The following TSGA10 variants were observed in gnomAD, a reference collection of about 807,000 sequenced individuals.
The protein encoded by TSGA10 is testis-specific gene 10 protein.
A neutral mutation model predicts 96.6 loss-of-function variants in TSGA10; 43 were observed. The ratio of observed to expected loss-of-function variants is 0.44; its 90% CI spans 0.35 to 0.57. The LOEUF is 0.57. Ranked by LOEUF, TSGA10 falls within the 20% of genes least tolerant of loss-of-function variation. The pLI is 0.01. For missense variants in TSGA10, 703 were observed against 834.4 expected, an observed-to-expected ratio of 0.84 and a Z score of 1.94; for synonymous variants, 229 against 269.9, an observed-to-expected ratio of 0.85 and a Z score of 1.48.
At chr2:99,072,914 C>A in intron 13 of TSGA10, 104 bp downstream of exon 13, 1 of 788,560 alleles carries the variant, frequency 1.3e-6, no homozygotes, top group Non-Finnish European at 2.2e-6. Flanking sequence ...AGAGTTAGCA[C>A]CTTACACGTA....
chr2:99,048,158 A>G (rs1408518263), intron 16 of TSGA10, among the ~76,000 whole-genome samples: 1 of 152,206 alleles, frequency 6.6e-6, no homozygotes, highest in Non-Finnish European at 1.5e-5. Flanking sequence ...AAAGGGATTT[A>G]TAGATTCAAT....
chr2:99,005,067 A>G (rs1395690440), intron 20 of TSGA10, among the ~76,000 whole-genome samples: 1 of 152,228 alleles, frequency 6.6e-6, no homozygotes, highest in African/African-American at 2.4e-5. Context: ...ATAGAGGCAG[A>G]AAAGGCCTTT....
At chr2:99,060,118 C>G (rs2084518504) in intron 16 of TSGA10, among the ~76,000 whole-genome samples, 1 of 152,024 alleles carries the variant, frequency 6.6e-6, no homozygotes. Flanking sequence ...GTAAAACTAT[C>G]TTTATACATT....
Position 99,068,522 on chromosome 2 carries a change from A to G in TSGA10, c.1218+366T>C, listed in dbSNP as rs138325291. On this transcript the variant is annotated intron_variant, in intron 15 of 20. Transcript: ENST00000393483. ...TAAAAAAAATAGATGGTCCCATAACAGGGTAACCAATTCTGATCTGCTACA... is the reference window on the plus strand; with the variant it reads ...TAAAAAAAATAGATGGTCCCATAACGGGGTAACCAATTCTGATCTGCTACA... 2.7e-3 allele frequency among the ~76,000 whole-genome samples: 417 copies of G among 152,292 alleles called. 2 individuals carry two copies. Among genetic ancestry groups the G allele is most frequent in the African/African-American group, 9.7e-3 (405 of 41,564 alleles).
chr2:99,070,876 A>G (rs2085883426), intron 14 of TSGA10, among the ~76,000 whole-genome samples: 1 of 152,168 alleles, frequency 6.6e-6, no homozygotes, highest in South Asian at 2.1e-4. Context: ...TAATAAGCCA[A>G]TATTGACACA....
At chr2:99,129,786 A>AG (rs2092992616) in intron 1 of TSGA10, among the ~76,000 whole-genome samples, 1 of 152,062 alleles carries the variant, frequency 6.6e-6, no homozygotes, top group Non-Finnish European at 1.5e-5. Context: ...TCCCTCCCCT[A>AG]GGCCCCCAAC....
At chr2:99,052,163 A>T (rs2083458902) in intron 16 of TSGA10, among the ~76,000 whole-genome samples, 2 of 151,902 alleles carry the variant, frequency 1.3e-5, no homozygotes, top group Non-Finnish European at 2.9e-5. Flanking sequence ...AAAGACTAGA[A>T]AAAATAGTAG....
At chr2:99,111,755 T>C (rs1256711787) in intron 4 of TSGA10, among the ~76,000 whole-genome samples, 1 of 152,150 alleles carries the variant, frequency 6.6e-6, no homozygotes, top group African/African-American at 2.4e-5. Flanking sequence ...TAACCTTATG[T>C]ATAGCCTTGA....
intron 3 of TSGA10, 45 bp downstream of exon 3, chr2:99,118,503 GTAT>G (rs2092402115): frequency 2.9e-6 from 2 of 695,526 alleles, no homozygotes; most frequent in Non-Finnish European, 3.5e-6. Context: ...ATATATATGT[GTAT>G]TATTAACTTT....
At chr2:99,079,544 A>G (rs532831616) in intron 11 of TSGA10, among the ~76,000 whole-genome samples, 1 of 152,232 alleles carries the variant, frequency 6.6e-6, no homozygotes, top group African/African-American at 2.4e-5. Flanking sequence ...ATGCTTTAAA[A>G]ACTCCTTCTT....
chr2:99,117,387 GA>G (rs892293186), intron 4 of TSGA10, 156 bp downstream of exon 4: 1 of 215,174 alleles, frequency 4.6e-6, no homozygotes, highest in African/African-American at 2.4e-5. Context: ...TAAAATGTGA[GA>G]AACAATTTAA....
chr2:99,015,735 T>C (rs555160786), intron 20 of TSGA10, among the ~76,000 whole-genome samples: 1 of 152,242 alleles, frequency 6.6e-6, no homozygotes, highest in East Asian at 1.9e-4. Context: ...ATCATATACC[T>C]AGAAAACCCT....
At chr2:99,060,850 G>C (rs1355672549) in intron 16 of TSGA10, among the ~76,000 whole-genome samples, 1 of 152,086 alleles carries the variant, frequency 6.6e-6, no homozygotes, top group African/African-American at 2.4e-5. Context: ...TCAATAAGTG[G>C]TGCTGGATAC....
chr2:99,072,022 AG>A (rs1321815989), intron 13 of TSGA10, 148 bp from the exon 14 acceptor site: 1 of 650,308 alleles, frequency 1.5e-6, no homozygotes, highest in Non-Finnish European at 2.5e-6. Context: ...AATACTGCAA[AG>A]ACAGTGCATT....
chr2:99,006,643 C>A (rs1225052546), intron 20 of TSGA10, among the ~76,000 whole-genome samples: 2 of 152,182 alleles, frequency 1.3e-5, no homozygotes, highest in Non-Finnish European at 2.9e-5. Context: ...AGTCAGGAAA[C>A]AACAGGTGCT....
chr2:99,033,562 G>C (rs978946964), intron 17 of TSGA10, among the ~76,000 whole-genome samples: 7 of 152,198 alleles, frequency 4.6e-5, no homozygotes, highest in Non-Finnish European at 1.0e-4. Context: ...AGATAAAGTG[G>C]CTACATTCAA....
At chr2:99,015,732 A>G (rs6759354) in intron 20 of TSGA10, among the ~76,000 whole-genome samples, 53,350 of 151,992 alleles carry the variant, frequency 0.35, 10,703 homozygotes, top group African/African-American at 0.55. Flanking sequence ...ATGATCATAT[A>G]CCTAGAAAAC....
At chr2:99,100,908 A>G (rs1369981214) in intron 10 of TSGA10, among the ~76,000 whole-genome samples, 6 of 150,956 alleles carry the variant, frequency 4.0e-5, no homozygotes, top group Non-Finnish European at 8.9e-5. Flanking sequence ...ATCTTAAGGT[A>G]CAAAAATATT....
intron 10 of TSGA10, among the ~76,000 whole-genome samples, chr2:99,099,963 G>A (rs925916562): frequency 6.6e-6 from 1 of 151,954 alleles, no homozygotes; most frequent in African/African-American, 2.4e-5. Flanking sequence ...GAGTACCTAC[G>A]AATTTAACAA....
Sources: gnomAD v4.1 joint callset for allele counts (sites outside exome capture counted in the v4.1 genomes callset) on GRCh38, gnomAD v4.1.1 for gene constraint, MANE v1.5 for transcripts, NCBI Gene and HGNC (gene_info 2026-07-23, HGNC 2026-07-21) for gene names.